The following RASSF3 variants were observed in gnomAD, a reference collection of about 807,000 sequenced individuals.
The protein encoded by RASSF3 is ras association domain-containing protein 3.
RASSF3 carries 19 observed loss-of-function variants against 19.9 expected under a neutral mutation model. The observed-to-expected ratio is 0.96, with a 90% CI of 0.67 to 1.40. The LOEUF is 1.40. Among genes scored for constraint, RASSF3 ranks in the 40% most tolerant of loss-of-function variants. RASSF3 has a pLI of 0.00. For missense variants in RASSF3, 306 were observed against 289.8 expected (o/e 1.06, Z -0.41); for synonymous variants, 110 against 104.2 (o/e 1.06, Z -0.34).
chr12:64,577,660 A>G (rs1869617868), intron 2 of RASSF3, among the ~76,000 whole-genome samples: 2 of 152,296 alleles, frequency 1.3e-5, no homozygotes, highest in South Asian at 4.1e-4. Flanking sequence ...TGAACCCAGG[A>G]GGCAGGGGTG....
intron 1 of RASSF3, among the ~76,000 whole-genome samples, chr12:64,516,998 C>CAAAAAAAA (rs371430838): frequency 9.6e-5 from 5 of 51,964 alleles, no homozygotes; most frequent in African/African-American, 2.8e-4. Context: ...AAATCTGTCT[C>CAAAAAAAA]AAAAAAAAAA....
At chr12:64,561,972 T>G (rs1165846521) in intron 2 of RASSF3, among the ~76,000 whole-genome samples, 1 of 150,084 alleles carries the variant, frequency 6.7e-6, no homozygotes, top group African/African-American at 2.4e-5. Context: ...CATGAGCCAC[T>G]GTGCATGGCC....
intron 2 of RASSF3, among the ~76,000 whole-genome samples, chr12:64,572,001 G>A (rs1262584498): frequency 3.3e-5 from 5 of 152,118 alleles, no homozygotes; most frequent in African/African-American, 4.8e-5. Flanking sequence ...AGGTTATGAC[G>A]TTCATAAGCT....
intron 1 of RASSF3, among the ~76,000 whole-genome samples, chr12:64,620,301 T>G (rs1228773011): frequency 1.3e-5 from 2 of 152,256 alleles, no homozygotes; most frequent in African/African-American, 4.8e-5. Context: ...GAATAATATA[T>G]CCATTGTATG....
intron 2 of RASSF3, among the ~76,000 whole-genome samples, chr12:64,547,041 G>A (rs921252614): frequency 2.6e-5 from 4 of 151,908 alleles, no homozygotes; most frequent in South Asian, 2.1e-4. Context: ...GGGAAGCCGA[G>A]GCATGTGGAT....
chr12:64,637,932 A>G (rs1871378237), intron 1 of RASSF3, among the ~76,000 whole-genome samples: 1 of 151,376 alleles, frequency 6.6e-6, no homozygotes, highest in Non-Finnish European at 1.5e-5. Flanking sequence ...CCTGGGTTCA[A>G]GTGATTCTCC....
chr12:64,554,951 A>G (rs1189284948), intron 2 of RASSF3, among the ~76,000 whole-genome samples: 2 of 152,122 alleles, frequency 1.3e-5, no homozygotes, highest in Non-Finnish European at 2.9e-5. Context: ...TGTTTGAAAA[A>G]AAATTTTTTA....
intron 2 of RASSF3, among the ~76,000 whole-genome samples, chr12:64,585,401 C>T (rs1015809973): frequency 7.9e-5 from 12 of 152,070 alleles, no homozygotes; most frequent in African/African-American, 2.9e-4. Flanking sequence ...ATTGAAAAAT[C>T]CAAGACCATA....
chr12:64,526,956 A>G (rs778259158), intron 1 of RASSF3, among the ~76,000 whole-genome samples: 8 of 152,216 alleles, frequency 5.3e-5, no homozygotes, highest in Non-Finnish European at 8.8e-5. Flanking sequence ...ACAATCACAA[A>G]TGGCAGAATC....
intron 1 of RASSF3, among the ~76,000 whole-genome samples, chr12:64,521,566 G>A (rs1330262747): frequency 1.3e-5 from 2 of 152,170 alleles, no homozygotes; most frequent in Non-Finnish European, 2.9e-5. Flanking sequence ...AAAATGACAC[G>A]TGGATTGTAT....
chr12:64,515,980 T>G (rs1420149417), intron 1 of RASSF3, among the ~76,000 whole-genome samples: 2 of 152,228 alleles, frequency 1.3e-5, no homozygotes, highest in African/African-American at 4.8e-5. Flanking sequence ...ATTAATGTAA[T>G]TCACCATATC....
chr12:64,586,227 G>A (rs1369381191), intron 2 of RASSF3, among the ~76,000 whole-genome samples: 1 of 151,648 alleles, frequency 6.6e-6, no homozygotes, highest in Non-Finnish European at 1.5e-5. Context: ...GAGAGGCTGA[G>A]GCAGGAGAAT....
downstream of RASSF3, among the ~76,000 whole-genome samples, chr12:64,543,675 GC>G (rs911644294): frequency 6.6e-6 from 1 of 151,206 alleles, no homozygotes; most frequent in African/African-American, 2.4e-5. Flanking sequence ...CTCCGCCTGC[GC>G]CCCTAGTGCG....
At chr12:64,612,087 A>G (rs929957786) in intron 1 of RASSF3, among the ~76,000 whole-genome samples, 1 of 152,172 alleles carries the variant, frequency 6.6e-6, no homozygotes, top group African/African-American at 2.4e-5. Context: ...GTGTGTTCTG[A>G]GAGCATGAGA....
At chr12:64,539,801 A>T (rs373906783) in intron 1 of RASSF3, among the ~76,000 whole-genome samples, 124 of 152,292 alleles carry the variant, frequency 8.1e-4, no homozygotes, top group African/African-American at 2.9e-3. Flanking sequence ...TTCTCATACC[A>T]TTAAATATTA....
At chr12:64,670,340 T>A (rs548602957) in intron 1 of RASSF3, among the ~76,000 whole-genome samples, 11 of 148,886 alleles carry the variant, frequency 7.4e-5, no homozygotes, top group Non-Finnish European at 1.6e-4. Context: ...TTTTTACACA[T>A]GAAAGCCTTT....
chr12:64,682,037 T>A (rs1264239), intron 1 of RASSF3, among the ~76,000 whole-genome samples: 118,866 of 152,068 alleles, frequency 0.78, 46,624 homozygotes, highest in South Asian at 0.84. Flanking sequence ...GGAAGTAGTC[T>A]CTGGAGCTTT....
intron 1 of RASSF3, among the ~76,000 whole-genome samples, chr12:64,514,061 T>A (rs1488416203): frequency 6.6e-6 from 1 of 151,326 alleles, no homozygotes; most frequent in African/African-American, 2.4e-5. Flanking sequence ...TGCTTTTTTT[T>A]TTTTTTTAGT....
rs1870676993 is a variant in RASSF3, at chr12:64,619,707, C to T, written c.111+8964C>T. Among the ~76,000 whole-genome samples the T allele has an allele frequency of 5.9e-5, 9 of 151,978 alleles. No homozygotes were observed. The South Asian group carries it at 1.7e-3, about 28-fold the overall frequency. ...CTTAAAATTAGTGCAGGTTGCCAGG[C>T]GTGGTGGCTCACGCCTGTAATCCCA... On this transcript the variant is annotated intron_variant, in intron 1 of 4. Coordinates refer to ENST00000542104, the MANE Select transcript of RASSF3 (RefSeq NM_178169.4).
Sources: allele counts gnomAD v4.1 joint callset (sites outside exome capture counted in the v4.1 genomes callset), GRCh38; gene constraint gnomAD v4.1.1; transcripts MANE v1.5; gene names NCBI Gene and HGNC (gene_info 2026-07-23, HGNC 2026-07-21).